Variants in NECTIN3 observed in about 807,000 individuals in gnomAD.
NECTIN3 encodes the protein nectin-3.
Under a neutral mutation model 49.4 loss-of-function variants are expected in NECTIN3, and 8 were observed. The observed-to-expected ratio is 0.16, with a 90% CI of 0.10 to 0.29. The LOEUF (loss-of-function observed/expected upper bound fraction) is 0.29. NECTIN3 is among the 10% of genes least tolerant of loss of function. The pLI is 1.00. For synonymous variants in NECTIN3, 277 were observed against 241.1 expected, an observed-to-expected ratio of 1.15 and a Z score of -1.38; for missense variants, 581 against 654.6, an observed-to-expected ratio of 0.89 and a Z score of 1.23.
At chr3:111,191,339 G>A (rs2035809032), upstream of NECTIN3, among the ~76,000 whole-genome samples, 1 of 152,136 alleles carries the variant, frequency 6.6e-6, no homozygotes, top group Admixed American at 6.6e-5. Context: ...GATAATGTTT[G>A]TGAAACACTT....
chr3:111,193,367 ACAT>A, intron 1 of NECTIN3: 1 of 1,531,772 alleles, frequency 6.5e-7, no homozygotes, highest in East Asian at 2.4e-5. Flanking sequence ...ACCCACGAGA[ACAT>A]TATGTGTGAT....
chr3:111,111,933 G>A (rs1270967728), intron 1 of NECTIN3, 97 bp from the exon 2 acceptor site: 4 of 581,446 alleles, frequency 6.9e-6, no homozygotes, highest in Non-Finnish European at 1.2e-5. Flanking sequence ...GTGTGTGTGT[G>A]TAGCTAGAGA....
At chr3:111,096,708 G>A (rs1181665880) in intron 1 of NECTIN3, among the ~76,000 whole-genome samples, 1 of 152,194 alleles carries the variant, frequency 6.6e-6, no homozygotes, top group Non-Finnish European at 1.5e-5. Context: ...AGCTCGGGCT[G>A]TTGCTTCAGA....
Position 111,135,314 on chromosome 3 carries a change from C to G in NECTIN3, c.*1099C>G, listed in dbSNP as rs1320907992. On this transcript the variant is annotated 3_prime_UTR_variant, in exon 6 of 6. Transcript: ENST00000485303. ...TGCTAATGGACATTGGCATTCATCT[C>G]CTTTTTCCTCCTAAGTGTATGTATG... 14 of 950,618 alleles carry G rather than the reference C, an allele frequency of 1.5e-5. No individual in the cohort carries two copies. The highest frequency in any genetic ancestry group is 1.8e-5 in the Non-Finnish European group (14 of 798,782). The allele number at this position is 950,618 out of a possible 1,614,324, so 58.9% of individuals were successfully genotyped here.
At chr3:111,126,879 AACT>A (rs1245194486) in intron 5 of NECTIN3, among the ~76,000 whole-genome samples, 1 of 152,128 alleles carries the variant, frequency 6.6e-6, no homozygotes, top group African/African-American at 2.4e-5. Flanking sequence ...ATTGTCTTTA[AACT>A]ACTAATAGCT....
chr3:111,135,695 C>T lies in NECTIN3; in HGVS notation c.*1480C>T, dbSNP rs1344969510. On this transcript the variant is annotated 3_prime_UTR_variant, in exon 6 of 6. Coordinates refer to ENST00000485303, the MANE Select transcript of NECTIN3 (RefSeq NM_015480.3). ...CAAAGTAGTAGGTACTTTTTAAACC[C>T]TCCCAACCAGCCCTTTCTCAATATT... is the stretch of plus-strand genomic sequence containing the variant. The T allele has an allele frequency of 4.2e-6, 4 of 958,076 alleles. No homozygotes were observed. In the East Asian group the frequency reaches 4.6e-4, roughly 110 times the overall value. The allele number at this position is 958,076 out of a possible 1,614,324, so 59.3% of individuals were successfully genotyped here.
intron 1 of NECTIN3, among the ~76,000 whole-genome samples, chr3:111,103,494 G>A (rs1031382272): frequency 1.3e-5 from 2 of 148,996 alleles, no homozygotes; most frequent in African/African-American, 4.9e-5. Context: ...CTGTAACCTT[G>A]CTGTAATTGA....
chr3:111,121,096 G>A (rs1283268154), intron 3 of NECTIN3, among the ~76,000 whole-genome samples: 3 of 148,076 alleles, frequency 2.0e-5, no homozygotes, highest in East Asian at 2.0e-4. Flanking sequence ...TCCGCCTCCC[G>A]GGTTCGTGCC....
intron 2 of NECTIN3, among the ~76,000 whole-genome samples, chr3:111,115,295 A>T (rs1193501665): frequency 3.9e-5 from 6 of 152,230 alleles, no homozygotes; most frequent in Non-Finnish European, 7.3e-5. Flanking sequence ...AAGTACAAGA[A>T]TTAAAGTTTA....
In NECTIN3 at chr3:111,182,811, G is replaced by A. The variant is rs188146569; in HGVS notation, c.1222-9540G>A. Among the ~76,000 whole-genome samples the A allele has an allele frequency of 2.2e-3, 338 of 151,978 alleles. 1 individual carries two copies. Among genetic ancestry groups the A allele is most frequent in the African/African-American group, 7.8e-3 (323 of 41,478 alleles). On this transcript the variant is annotated intron_variant, in intron 7 of 8. Coordinates refer to the NECTIN3 transcript ENST00000493615. ...GAAAATCCTTACCTTAAATTGCTAT[G>A]TTTATGTTTATTGCCACTTTTACTT... is the stretch of plus-strand genomic sequence containing the variant.
chr3:111,189,869 G>T (rs193142493), upstream of NECTIN3, among the ~76,000 whole-genome samples: 4 of 152,258 alleles, frequency 2.6e-5, no homozygotes, highest in Non-Finnish European at 4.4e-5. Flanking sequence ...CATGACTGTG[G>T]GCATGTGCTC....
intron 7 of NECTIN3, among the ~76,000 whole-genome samples, chr3:111,167,568 C>T (rs2035342697): frequency 6.6e-6 from 1 of 151,972 alleles, no homozygotes; most frequent in East Asian, 1.9e-4. Flanking sequence ...AGTATAAAAG[C>T]TGGTGCATTG....
At chr3:111,145,093 T>C in intron 6 of NECTIN3, 2 of 1,475,004 alleles carry the variant, frequency 1.4e-6, no homozygotes, top group Non-Finnish European at 1.8e-6. Context: ...GTCCAATCTT[T>C]ATGTTTACCT....
upstream of NECTIN3, among the ~76,000 whole-genome samples, chr3:111,191,554 A>C (rs76331458): frequency 0.019 from 2,907 of 150,602 alleles, 165 homozygotes; most frequent in East Asian, 0.23. Context: ...AATTCTTCTT[A>C]GGGTGAAGTT....
Position 111,096,891 on chromosome 3 carries a change from G to A in NECTIN3, c.161-15139G>A, listed in dbSNP as rs544526282. On this transcript the variant is annotated intron_variant, in intron 1 of 5. Transcript: ENST00000485303. ...GTTGGGGCCCTCATGGAGAATCTCT[G>A]TTAAGGCAGTGCAGAAGGGAAATGT... 1.1e-3 allele frequency among the ~76,000 whole-genome samples: 170 copies of A among 152,330 alleles called. 5 individuals carry two copies. The South Asian group carries it at 0.034, about 30-fold the overall frequency.
chr3:111,128,022 A>C (rs2034235910), intron 5 of NECTIN3, among the ~76,000 whole-genome samples: 1 of 152,082 alleles, frequency 6.6e-6, no homozygotes, highest in South Asian at 2.1e-4. Flanking sequence ...CTTAGACTCA[A>C]TATGTCTATG....
At chr3:111,127,718 C>A (rs547977675) in intron 5 of NECTIN3, among the ~76,000 whole-genome samples, 1 of 152,090 alleles carries the variant, frequency 6.6e-6, no homozygotes, top group Non-Finnish European at 1.5e-5. Flanking sequence ...TATGCACCAC[C>A]ATGCCCAGCT....
chr3:111,078,241 A>G (rs992925793), intron 1 of NECTIN3, among the ~76,000 whole-genome samples: 8 of 152,138 alleles, frequency 5.3e-5, no homozygotes. Context: ...GCCTAGAATG[A>G]CATTGCTCTT....
At chr3:111,077,571 G>A (rs961267823) in intron 1 of NECTIN3, among the ~76,000 whole-genome samples, 2 of 150,698 alleles carry the variant, frequency 1.3e-5, no homozygotes, top group Admixed American at 6.7e-5. Context: ...CAATGTGGCC[G>A]GGCCCCACTA....
Sources: gnomAD v4.1 joint callset for allele counts (sites outside exome capture counted in the v4.1 genomes callset) on GRCh38, gnomAD v4.1.1 for gene constraint, MANE v1.5 for transcripts, NCBI Gene and HGNC (gene_info 2026-07-23, HGNC 2026-07-21) for gene names.